Variants in SCRIB observed in about 807,000 individuals in gnomAD.
SCRIB encodes protein scribble homolog.
In SCRIB, 72 loss-of-function variants were observed where a neutral mutation model predicts 170.0. That is an observed-to-expected ratio of 0.42 (90% confidence interval 0.35 to 0.52). The LOEUF is 0.52. Ranked by LOEUF, SCRIB falls within the 20% of genes least tolerant of loss-of-function variation. The pLI is 0.02. For synonymous variants in SCRIB, 1,298 were observed against 1,044.3 expected (o/e 1.24, Z -4.68); for missense variants, 2,475 against 2,338.5 (o/e 1.06, Z -1.20).
intron 11 of SCRIB, 41 bp from the exon 12 acceptor site, chr8:143,810,857 C>G: frequency 6.2e-7 from 1 of 1,606,844 alleles, no homozygotes; most frequent in Non-Finnish European, 8.5e-7. Flanking sequence ...AGTCCCCAAA[C>G]CCTGCCTGAG....
chr8:143,810,727 T>C lies in SCRIB; in HGVS notation c.1363A>G (p.Ile455Val), dbSNP rs780760812. 9.9e-6 allele frequency: 16 copies of C among 1,609,160 alleles called. No homozygotes were observed. Among genetic ancestry groups the C allele is most frequent in the South Asian group, 3.3e-5 (3 of 90,938 alleles). Residue 455 changes from isoleucine (I) to valine (V), a missense_variant, in exon 12 of 37, where the codon ATA (isoleucine) becomes GTA (valine). By Grantham distance (29) the Ile-to-Val change is conservative. Coordinates refer to ENST00000356994, the MANE Select transcript of SCRIB (RefSeq NM_182706.5). ...VSVIQFLEAPIGDEDAEEAAA... is the reference protein window; with the variant it reads ...VSVIQFLEAPVGDEDAEEAAA... ...GCTTCCTCAGCGTCCTCATCACCTA[T>C]GGGGGCCTCCAGGAACTGGATGACG... is the stretch of plus-strand genomic sequence containing the variant.
rs368425614 is a variant in SCRIB at position 143,809,722 on chromosome 8, C to T, written c.1531-4G>A. 102 of 1,606,618 alleles carry T rather than the reference C, an allele frequency of 6.3e-5. No individual in the cohort carries two copies. Among genetic ancestry groups the T allele is most frequent in the East Asian group, 1.1e-4 (5 of 44,834 alleles). On this transcript the variant is annotated splice_polypyrimidine_tract_variant and splice_region_variant and intron_variant, in intron 13 of 36. Coordinates refer to ENST00000356994, the MANE Select transcript of SCRIB (RefSeq NM_182706.5). ...ACTCGGCACTCAGCCGCTTCTCCTGCGGCGGGAAGTGGGGTCAGGCTTCGA... is the reference window on the plus strand; with the variant it reads ...ACTCGGCACTCAGCCGCTTCTCCTGTGGCGGGAAGTGGGGTCAGGCTTCGA...
In SCRIB at chr8:143,814,026, C is replaced by G; in HGVS notation, c.252G>C (p.Leu84=). ...LPPEVANFMQ[L]VELDVSRNDI... The stretch of plus-strand genomic sequence containing the variant: ...CGTTCCGGGACACGTCCAGCTCCAC[C>G]AGCTGCATGAAGTTGGCCACCTCGG... The change falls in exon 2 of 37, where the codon CTG becomes CTC. Residue 84 remains leucine (L), a synonymous_variant. Transcript: ENST00000356994. 1 of 1,565,798 alleles carries G rather than the reference C, an allele frequency of 6.4e-7. No individual in the cohort carries two copies. The highest frequency in any genetic ancestry group is 1.7e-4 in the Middle Eastern group (1 of 5,998).
intron 15 of SCRIB, among the ~76,000 whole-genome samples, chr8:143,808,229 T>G (rs536553904): frequency 1.3e-5 from 2 of 152,330 alleles, no homozygotes; most frequent in South Asian, 4.1e-4. Flanking sequence ...GCTTGACTTC[T>G]GTGAACTCCG....
intron 7 of SCRIB, 34 bp from the exon 8 acceptor site, chr8:143,812,995 G>A: frequency 1.2e-6 from 2 of 1,610,696 alleles, no homozygotes; most frequent in African/African-American, 1.3e-5. Flanking sequence ...GCGCGGATGG[G>A]CACGAAGCAG....
In SCRIB at chr8:143,792,845, G is replaced by C. The variant is rs1814763070; in HGVS notation, c.4040C>G (p.Ala1347Gly). ...CCGGAAGGACAGCTGCTCCGGGGAG[G>C]CTGCAGGCCCAGGCGTGGGGGGCTG... ...PAQPPTPGPA[A>G]SPEQLSFRER... The change falls in exon 30 of 37, where the codon GCC (alanine) becomes GGC (glycine). Residue 1347 changes from alanine (A) to glycine (G), a missense_variant. This residue lies in a region of SCRIB where 1,966 missense variants were observed against 1,742.9 expected (regional missense o/e 1.13). Coordinates refer to ENST00000356994, the MANE Select transcript of SCRIB (RefSeq NM_182706.5). 5 of 1,529,860 alleles carry C rather than the reference G, an allele frequency of 3.3e-6. No homozygotes were observed. Among genetic ancestry groups the C allele is most frequent in the Admixed American group, 2.0e-5 (1 of 51,200 alleles). 94.8% of individuals were successfully genotyped at this position (1,529,860 alleles called of 1,614,324 possible). A position where few individuals can be genotyped will look rare whatever the true frequency, so the allele number is the denominator to read the frequency against.
At chr8:143,801,725 A>G (rs1414061355) in intron 24 of SCRIB, among the ~76,000 whole-genome samples, 1 of 152,110 alleles carries the variant, frequency 6.6e-6, no homozygotes, top group Non-Finnish European at 1.5e-5. Context: ...AGTGACGGGG[A>G]AGGGGAGCTG....
chr8:143,798,683 AAAT>A (rs1815047761), intron 24 of SCRIB, among the ~76,000 whole-genome samples: 1 of 152,232 alleles, frequency 6.6e-6, no homozygotes, highest in Admixed American at 6.5e-5. Flanking sequence ...CTACAATCTT[AAAT>A]GAGTTAAATG....
Position 143,815,468 on chromosome 8 carries a change from G to A in SCRIB, c.-96C>T, listed in dbSNP as rs1481310968. 2.1e-5 allele frequency: 23 copies of A among 1,074,082 alleles called. No individual in the cohort carries two copies. Among genetic ancestry groups the A allele is most frequent in the Non-Finnish European group, 2.4e-5 (21 of 887,964 alleles). The allele number at this position is 1,074,082 out of a possible 1,614,324, so 66.5% of individuals were successfully genotyped here. On this transcript the variant is annotated 5_prime_UTR_variant, in exon 1 of 37. Transcript: ENST00000356994. ...CCGCATGGGCGCCGCGCATGGGGAG[G>A]GGGCGCAGGCAGGGGGCGGGCCGCC... is the stretch of plus-strand genomic sequence containing the variant.
At position 143,807,570 on chromosome 8, in the gene SCRIB, A is replaced by G. The variant is rs146367475; in HGVS notation, c.2160T>C (p.Ala720=). 8.7e-5 allele frequency: 141 copies of G among 1,613,920 alleles called. No homozygotes were observed. The East Asian group carries it at 2.7e-3, about 31-fold the overall frequency. The change falls in exon 16 of 37, where the codon GCT becomes GCC. Residue 720 remains alanine (A), a synonymous_variant. Transcript: ENST00000356994. ...TACAGACCTCTTCCTCCTCAATGCG[A>G]GCAGGCTCTATCAGCAGGTTATTGG... ...DQANNLLIEP[A]RIEEEELTLT...
At position 143,812,246 on chromosome 8, in the gene SCRIB, C is replaced by A. The variant is rs563492012; in HGVS notation, c.906+20G>T. ...ACCCCCGACGGCCCCATCCTTTCTGCCTCCCAAGCCAGACCCTACCATCAG... is the reference window on the plus strand; with the variant it reads ...ACCCCCGACGGCCCCATCCTTTCTGACTCCCAAGCCAGACCCTACCATCAG... On this transcript the variant is annotated intron_variant, in intron 9 of 36. Coordinates refer to ENST00000356994, the MANE Select transcript of SCRIB (RefSeq NM_182706.5). 1 of 1,502,090 alleles carries A rather than the reference C, an allele frequency of 6.7e-7. No individual in the cohort carries two copies. The highest frequency in any genetic ancestry group is 9.3e-7 in the Non-Finnish European group (1 of 1,078,132). The allele number at this position is 1,502,090 out of a possible 1,614,324, so 93.0% of individuals were successfully genotyped here. A position where few individuals can be genotyped will look rare whatever the true frequency, so the allele number is the denominator to read the frequency against.
At chr8:143,801,029 G>A (rs1332096086) in intron 24 of SCRIB, among the ~76,000 whole-genome samples, 1 of 152,234 alleles carries the variant, frequency 6.6e-6, no homozygotes, top group African/African-American at 2.4e-5. Context: ...TTAGGATTAG[G>A]CATGAAACCT....
chr8:143,808,990 G>C lies in SCRIB; in HGVS notation c.1734C>G (p.Pro578=), dbSNP rs780834040. 2.5e-6 allele frequency: 4 copies of C among 1,613,138 alleles called. No individual in the cohort carries two copies. The highest frequency in any genetic ancestry group is 3.4e-6 in the Non-Finnish European group (4 of 1,179,914). ...CCTCCTCGATCTCCCTGTCATCCCC[G>C]GGCAGCAGTGCGTCCTCTGCGAAAT... ...TVHFAEDALL[P]GDDREIEEGQ... The change falls in exon 15 of 37, where the codon CCC becomes CCG. Residue 578 remains proline, a synonymous_variant. Transcript: ENST00000356994.
intron 21 of SCRIB, among the ~76,000 whole-genome samples, 180 bp downstream of exon 21, chr8:143,804,388 C>T (rs889062240): frequency 2.6e-5 from 4 of 152,232 alleles, no homozygotes; most frequent in Non-Finnish European, 4.4e-5. Context: ...GTCAAGGGGA[C>T]CATACTGAGG....
intron 9 of SCRIB, 27 bp downstream of exon 9, chr8:143,812,239 C>T (rs1277013186): frequency 5.5e-6 from 8 of 1,461,684 alleles, no homozygotes; most frequent in East Asian, 2.3e-5. Flanking sequence ...CGGCCCCATC[C>T]TTTCTGCCTC....
chr8:143,814,201 T>C, intron 1 of SCRIB, 83 bp from the exon 2 acceptor site: 1 of 1,174,590 alleles, frequency 8.5e-7, no homozygotes, highest in Non-Finnish European at 1.2e-6. Context: ...GTGTCACAAG[T>C]CAAGAGTCCC....
rs1816066961 is a variant in SCRIB, at chr8:143,815,700, A to C, written c.-328T>G. ...TCGTCCGCCCGCTGTGCCGCACCGG[A>C]ACCGCCGCTGCCCGCCGGACTGCCC... is the stretch of plus-strand genomic sequence containing the variant. On this transcript the variant is annotated 5_prime_UTR_variant, in exon 1 of 37. Transcript: ENST00000356994. The C allele has an allele frequency of 1.0e-6, 1 of 983,128 alleles. No individual in the cohort carries two copies. Among genetic ancestry groups the C allele is most frequent in the Non-Finnish European group, 1.2e-6 (1 of 829,088 alleles). The allele number at this position is 983,128 out of a possible 1,614,324, so 60.9% of individuals were successfully genotyped here. A position where few individuals can be genotyped will look rare whatever the true frequency, so the allele number is the denominator to read the frequency against.
chr8:143,807,825 C>T (rs1367696510), intron 15 of SCRIB, among the ~76,000 whole-genome samples: 1 of 152,192 alleles, frequency 6.6e-6, no homozygotes, highest in Non-Finnish European at 1.5e-5. Flanking sequence ...AGAGTCCCAC[C>T]GGGCTGTCCC....
chr8:143,812,491 T>C (rs369253086), intron 8 of SCRIB, 107 bp from the exon 9 acceptor site: 4 of 875,350 alleles, frequency 4.6e-6, no homozygotes, highest in African/African-American at 3.3e-5. Flanking sequence ...CCCAGCCCCT[T>C]CTGCCGCCGC....
Sources: gnomAD v4.1 joint callset for allele counts (sites outside exome capture counted in the v4.1 genomes callset) on GRCh38, gnomAD v4.1.1 for gene constraint, gnomAD v4.1.1 regional missense constraint, MANE v1.5 for transcripts, NCBI Gene and HGNC (gene_info 2026-07-23, HGNC 2026-07-21) for gene names.